AGTPBP1: variants seen among roughly 807,000 people sequenced by gnomAD.
AGTPBP1 encodes the protein ATP/GTP binding carboxypeptidase 1, also known as cytosolic carboxypeptidase 1.
In AGTPBP1, 70 loss-of-function variants were observed where a neutral mutation model predicts 143.9. The ratio of observed to expected loss-of-function variants is 0.49; its 90% CI spans 0.40 to 0.59. The LOEUF is 0.59. Among genes scored for constraint, AGTPBP1 ranks in the 20% least tolerant of loss-of-function variants. The pLI is 0.00. For synonymous variants in AGTPBP1, 463 were observed against 500.2 expected (o/e 0.93, Z 0.99); for missense variants, 1,229 against 1,464.5 (o/e 0.84, Z 2.62).
At chr9:85,715,823 T>C (rs578214064) in intron 1 of AGTPBP1, among the ~76,000 whole-genome samples, 2 of 152,306 alleles carry the variant, frequency 1.3e-5, no homozygotes, top group East Asian at 3.9e-4. Context: ...TTTGTGGCTT[T>C]GCCAAGCAAG....
upstream of AGTPBP1, among the ~76,000 whole-genome samples, chr9:85,743,458 G>A (rs749805691): frequency 1.3e-5 from 2 of 152,050 alleles, no homozygotes; most frequent in Admixed American, 6.6e-5. Flanking sequence ...TATGTTTTGC[G>A]GTAATTAAGA....
intron 2 of AGTPBP1, among the ~76,000 whole-genome samples, chr9:85,694,023 A>G (rs750992339): frequency 6.6e-6 from 1 of 152,300 alleles, no homozygotes; most frequent in South Asian, 2.1e-4. Flanking sequence ...TGGAGGAGAC[A>G]GTGAGGAACA....
Position 85,741,783 on chromosome 9 carries a change from G to A in AGTPBP1, c.-42C>T, listed in dbSNP as rs1824317321. 5.2e-6 allele frequency: 7 copies of A among 1,351,244 alleles called. No homozygotes were observed. The Admixed American group carries it at 1.0e-4, about 20-fold the overall frequency. 83.7% of individuals were successfully genotyped at this position (1,351,244 alleles called of 1,614,324 possible). On this transcript the variant is annotated 5_prime_UTR_variant, in exon 1 of 26. Transcript: ENST00000357081. ...TGCAGCAGGGCGCTCACCGGCTCAGGATGGGGCGCTGGCGGGGACCGCGCA... is the reference window on the plus strand; with the variant it reads ...TGCAGCAGGGCGCTCACCGGCTCAGAATGGGGCGCTGGCGGGGACCGCGCA...
At chr9:85,750,407 G>A in the AGTPBP1 span, among the ~76,000 whole-genome samples, 1,964 of 152,136 alleles carry the variant, frequency 0.013, 21 homozygotes, top group Middle Eastern at 0.031. Flanking sequence ...TTTAGTCTAT[G>A]GCACCTGTTT....
chr9:85,664,719 A>C (rs1834033309), intron 8 of AGTPBP1, among the ~76,000 whole-genome samples: 1 of 152,172 alleles, frequency 6.6e-6, no homozygotes, highest in Non-Finnish European at 1.5e-5. Context: ...AAAGTGATTA[A>C]GAAAGCTGAG....
At chr9:85,655,785 A>T (rs979440874) in intron 10 of AGTPBP1, among the ~76,000 whole-genome samples, 2 of 151,852 alleles carry the variant, frequency 1.3e-5, no homozygotes, top group African/African-American at 4.8e-5. Context: ...TATTCACCTT[A>T]TAAAAGGATA....
intron 9 of AGTPBP1, among the ~76,000 whole-genome samples, chr9:85,658,200 A>G (rs962551144): frequency 1.3e-5 from 2 of 152,128 alleles, no homozygotes; most frequent in African/African-American, 2.4e-5. Flanking sequence ...AACAATGCTC[A>G]TTAAAAAATA....
the AGTPBP1 span, among the ~76,000 whole-genome samples, chr9:85,763,352 A>G: frequency 2.0e-5 from 3 of 152,140 alleles, no homozygotes; most frequent in Admixed American, 2.0e-4. Flanking sequence ...CAACTGGTCC[A>G]GTGTGGAGCA....
chr9:85,599,047 T>C (rs1041824047), intron 17 of AGTPBP1, among the ~76,000 whole-genome samples: 1 of 151,940 alleles, frequency 6.6e-6, no homozygotes, highest in South Asian at 2.1e-4. Context: ...TAACCACTTT[T>C]GCTTTATTTT....
At chr9:85,604,286 T>C (rs189564849) in intron 17 of AGTPBP1, among the ~76,000 whole-genome samples, 6 of 152,300 alleles carry the variant, frequency 3.9e-5, no homozygotes, top group Non-Finnish European at 8.8e-5. Context: ...CAGACTCTGT[T>C]TGGGAGAAAG....
At chr9:85,724,463 T>G (rs62570614) in intron 1 of AGTPBP1, among the ~76,000 whole-genome samples, 2,255 of 152,298 alleles carry the variant, frequency 0.015, 24 homozygotes, top group Middle Eastern at 0.037. Flanking sequence ...ACAATCAGTT[T>G]ATTTCTATAA....
intron 1 of AGTPBP1, among the ~76,000 whole-genome samples, chr9:85,718,924 G>T (rs1587971205): frequency 1.3e-5 from 2 of 152,192 alleles, no homozygotes; most frequent in African/African-American, 4.8e-5. Flanking sequence ...ATTAAATAGG[G>T]AATCCTTTCC....
chr9:85,628,871 A>G (rs1037411654), intron 14 of AGTPBP1, among the ~76,000 whole-genome samples: 3 of 152,114 alleles, frequency 2.0e-5, no homozygotes, highest in Non-Finnish European at 4.4e-5. Context: ...ATGTGCCACC[A>G]CACCCAGCTA....
chr9:85,734,243 C>G (rs972225337), intron 1 of AGTPBP1, among the ~76,000 whole-genome samples: 1 of 151,994 alleles, frequency 6.6e-6, no homozygotes, highest in Non-Finnish European at 1.5e-5. Flanking sequence ...CAAAGAGAGA[C>G]TCCGTCTGAA....
chr9:85,653,610 C>T (rs1250462680), intron 11 of AGTPBP1, among the ~76,000 whole-genome samples: 3 of 152,184 alleles, frequency 2.0e-5, no homozygotes, highest in African/African-American at 7.2e-5. Flanking sequence ...ATTTAACCCC[C>T]ATAATCCTAT....
At chr9:85,559,150 T>C (rs149688888) in intron 25 of AGTPBP1, among the ~76,000 whole-genome samples, 5 of 152,338 alleles carry the variant, frequency 3.3e-5, no homozygotes, top group African/African-American at 1.2e-4. Flanking sequence ...TATTTGCTTT[T>C]ATGAGTCCTA....
chr9:85,675,185 C>A (rs1434120747), intron 6 of AGTPBP1, among the ~76,000 whole-genome samples: 1 of 151,790 alleles, frequency 6.6e-6, no homozygotes, highest in Non-Finnish European at 1.5e-5. Context: ...CATGAGACAC[C>A]GTACCCGGCC....
intron 25 of AGTPBP1, among the ~76,000 whole-genome samples, chr9:85,572,647 T>C (rs62566885): frequency 0.016 from 2,480 of 152,306 alleles, 30 homozygotes; most frequent in Middle Eastern, 0.054. Context: ...TTGTGAAGTA[T>C]TAGTAAGCAT....
At chr9:85,588,674 G>A (rs550160878) in intron 20 of AGTPBP1, among the ~76,000 whole-genome samples, 196 bp from the exon 21 acceptor site, 10 of 152,088 alleles carry the variant, frequency 6.6e-5, no homozygotes, top group South Asian at 2.1e-4. Flanking sequence ...ACCATATCCC[G>A]AAGGAGCTCA....
Sources: allele counts gnomAD v4.1 joint callset (sites outside exome capture counted in the v4.1 genomes callset), GRCh38; gene constraint gnomAD v4.1.1; transcripts MANE v1.5; gene names NCBI Gene and HGNC (gene_info 2026-07-23, HGNC 2026-07-21).